CEP350: variants seen among roughly 807,000 people sequenced by gnomAD.
CEP350 encodes centrosome-associated protein 350.
A neutral mutation model predicts 331.8 loss-of-function variants in CEP350; 126 were observed. The observed-to-expected ratio is 0.38, with a 90% CI of 0.33 to 0.44. The LOEUF is 0.44. Among genes scored for constraint, CEP350 ranks in the 20% least tolerant of loss-of-function variants. The pLI, the probability that CEP350 is intolerant of heterozygous loss-of-function variation, is 1.00. For missense variants in CEP350, 3,406 were observed against 3,634.6 expected, an observed-to-expected ratio of 0.94 and a Z score of 1.62; for synonymous variants, 1,200 against 1,259.5, an observed-to-expected ratio of 0.95 and a Z score of 1.00.
chr1:180,012,476 A>G (rs2148801340), intron 9 of CEP350, among the ~76,000 whole-genome samples: 1 of 152,328 alleles, frequency 6.6e-6, no homozygotes, highest in South Asian at 2.1e-4. Flanking sequence ...AGGCTCTGAA[A>G]GAGAAGTGAT....
intron 13 of CEP350, 108 bp from the exon 14 acceptor site, chr1:180,024,311 G>T: frequency 1.0e-6 from 1 of 957,322 alleles, no homozygotes; most frequent in South Asian, 2.3e-5. Context: ...AGCCATCTTT[G>T]ATTGTAGTTA....
chr1:179,980,785 A>G (rs1652220795), intron 1 of CEP350, among the ~76,000 whole-genome samples: 1 of 152,088 alleles, frequency 6.6e-6, no homozygotes, highest in Admixed American at 6.6e-5. Context: ...TTTTTTAATA[A>G]CATACAATGC....
intron 1 of CEP350, among the ~76,000 whole-genome samples, chr1:179,978,390 G>T (rs1652029123): frequency 6.6e-6 from 1 of 152,094 alleles, no homozygotes; most frequent in Non-Finnish European, 1.5e-5. Context: ...TTGTGTTGGG[G>T]ACATTCAGTA....
chr1:179,972,173 A>C (rs1373447563), intron 1 of CEP350, among the ~76,000 whole-genome samples: 1 of 152,192 alleles, frequency 6.6e-6, no homozygotes, highest in Non-Finnish European at 1.5e-5. Flanking sequence ...TATGTGGGTT[A>C]GGATATTAGA....
At chr1:179,982,201 A>G (rs1164210184) in intron 1 of CEP350, among the ~76,000 whole-genome samples, 1 of 152,178 alleles carries the variant, frequency 6.6e-6, no homozygotes, top group Non-Finnish European at 1.5e-5. Flanking sequence ...TCCTTGCTCC[A>G]ATTTCAGCCA....
chr1:180,111,443 GA>G lies in CEP350; in HGVS notation c.*285del, dbSNP rs1369083996. 3 of 256,542 alleles carry G rather than the reference GA, an allele frequency of 1.2e-5. No individual in the cohort carries two copies. The East Asian group carries it at 2.3e-4, about 20-fold the overall frequency. The allele number at this position is 256,542 out of a possible 1,614,324, so 15.9% of individuals were successfully genotyped here. On this transcript the variant is annotated 3_prime_UTR_variant, in exon 38 of 38. Coordinates refer to ENST00000367607, the MANE Select transcript of CEP350 (RefSeq NM_014810.5). ...ACCCCTACTAGGTCCCAGAGGGCCA[GA>G]AACACCTGACTTACCTCTGAGTTTA...
chr1:180,010,854 C>T (rs1654606305), intron 8 of CEP350, among the ~76,000 whole-genome samples: 1 of 152,162 alleles, frequency 6.6e-6, no homozygotes, highest in South Asian at 2.1e-4. Flanking sequence ...AAGCATTCCT[C>T]CTGCCTCAGC....
intron 9 of CEP350, among the ~76,000 whole-genome samples, chr1:180,013,401 A>T (rs962646877): frequency 3.3e-5 from 5 of 152,150 alleles, no homozygotes; most frequent in Non-Finnish European, 5.9e-5. Flanking sequence ...TTAAAAATAT[A>T]TTTTTTATGA....
At chr1:180,098,031 C>T (rs565174896) in intron 36 of CEP350, among the ~76,000 whole-genome samples, 99 of 152,248 alleles carry the variant, frequency 6.5e-4, no homozygotes, top group South Asian at 6.0e-3. Context: ...AGTACAATGG[C>T]GTGATCTCAG....
At chr1:179,974,783 G>A (rs1651728412) in intron 1 of CEP350, among the ~76,000 whole-genome samples, 1 of 152,144 alleles carries the variant, frequency 6.6e-6, no homozygotes, top group Non-Finnish European at 1.5e-5. Context: ...CTTGAGGCCA[G>A]GATTTGAAGA....
At chr1:179,989,633 A>C (rs953636511) in intron 3 of CEP350, among the ~76,000 whole-genome samples, 1 of 152,078 alleles carries the variant, frequency 6.6e-6, no homozygotes, top group African/African-American at 2.4e-5. Flanking sequence ...ACCATTTAGG[A>C]GAAAATGCTT....
chr1:180,011,368 T>C (rs1414932841), intron 8 of CEP350, among the ~76,000 whole-genome samples: 1 of 152,240 alleles, frequency 6.6e-6, no homozygotes, highest in African/African-American at 2.4e-5. Flanking sequence ...TCATGTGCCA[T>C]GTACTGTGCT....
chr1:180,020,839 G>T lies in CEP350; in HGVS notation c.3065G>T (p.Arg1022Ile). Residue 1022 changes from arginine (R) to isoleucine (I), a missense_variant, in exon 12 of 38, where the codon AGA (arginine) becomes ATA (isoleucine). Transcript: ENST00000367607. ...GAAAAGGAATTTTGTCCTGGAGAAAGAAATAGTTATGAACCCATCAAAGAG... is the reference window on the plus strand; with the variant it reads ...GAAAAGGAATTTTGTCCTGGAGAAATAAATAGTTATGAACCCATCAAAGAG... ...LKEKEFCPGE[R>I]NSYEPIKEFQ... 6.2e-7 allele frequency: 1 copy of T among 1,613,324 alleles called. No individual in the cohort carries two copies. The highest frequency in any genetic ancestry group is 8.5e-7 in the Non-Finnish European group (1 of 1,179,774).
At chr1:180,038,950 A>G (rs2148907405) in intron 17 of CEP350, among the ~76,000 whole-genome samples, 1 of 152,222 alleles carries the variant, frequency 6.6e-6, no homozygotes, top group South Asian at 2.1e-4. Context: ...GTGGTGGCTC[A>G]CACCTGTTAT....
chr1:180,020,133 A>G lies in CEP350; in HGVS notation c.2359A>G (p.Met787Val), dbSNP rs751000121. 3.1e-6 allele frequency: 5 copies of G among 1,614,048 alleles called. No homozygotes were observed. The South Asian group carries it at 4.4e-5, about 14-fold the overall frequency. Reference protein sequence around the residue: ...SILPTRKNHNMASRPLTFTPQ... With the variant: ...SILPTRKNHNVASRPLTFTPQ... ...TTTACCAACCAGGAAGAATCATAAT[A>G]TGGCTTCAAGGCCATTAACTTTTAC... Residue 787 changes from methionine (M) to valine (V), a missense_variant, in exon 12 of 38, where the codon ATG becomes GTG. By Grantham distance (21) the Met-to-Val change is conservative (BLOSUM62 1). Around this residue, in one of 5 missense-constraint regions of CEP350, gnomAD observed 1,857 missense variants for 1,909.2 expected, o/e 0.97. Transcript: ENST00000367607.
At chr1:180,041,628 C>A in intron 18 of CEP350, 34 bp from the exon 19 acceptor site, 1 of 1,581,660 alleles carries the variant, frequency 6.3e-7, no homozygotes, top group Non-Finnish European at 8.6e-7. Context: ...GAGATTAAAA[C>A]ATAACTTCTT....
At chr1:180,072,271 C>A (rs1172354658) in intron 27 of CEP350, among the ~76,000 whole-genome samples, 1 of 152,092 alleles carries the variant, frequency 6.6e-6, no homozygotes. Context: ...TTGGAATATG[C>A]TTAATCTTTA....
intron 1 of CEP350, among the ~76,000 whole-genome samples, chr1:179,960,110 C>G (rs1430373988): frequency 6.6e-6 from 1 of 152,142 alleles, no homozygotes; most frequent in African/African-American, 2.4e-5. Flanking sequence ...GTGGCTGGAG[C>G]CTGTCCCGGC....
chr1:179,969,955 A>G (rs773577848), intron 1 of CEP350, among the ~76,000 whole-genome samples: 2 of 152,194 alleles, frequency 1.3e-5, no homozygotes, highest in Non-Finnish European at 2.9e-5. Context: ...GCAAACTGTA[A>G]GACACCTTTT....
Sources: gnomAD v4.1 joint callset for allele counts (sites outside exome capture counted in the v4.1 genomes callset) on GRCh38, gnomAD v4.1.1 for gene constraint, gnomAD v4.1.1 regional missense constraint, MANE v1.5 for transcripts, NCBI Gene and HGNC (gene_info 2026-07-23, HGNC 2026-07-21) for gene names.